ADGRL3: variants seen among roughly 807,000 people sequenced by gnomAD.
The protein encoded by ADGRL3 is calcium-independent alpha-latrotoxin receptor 3.
In ADGRL3, 62 loss-of-function variants were observed where a neutral mutation model predicts 153.5. The ratio of observed to expected loss-of-function variants is 0.40; its 90% CI spans 0.33 to 0.50. The LOEUF is 0.50. Among genes scored for constraint, ADGRL3 ranks in the 20% least tolerant of loss-of-function variants. ADGRL3 has a pLI of 0.47. For missense variants in ADGRL3, 1,641 were observed against 1,859.4 expected, an observed-to-expected ratio of 0.88 and a Z score of 2.16; for synonymous variants, 710 against 672.5, an observed-to-expected ratio of 1.06 and a Z score of -0.86.
chr4:62,028,333 T>A (rs990431484), intron 21 of ADGRL3, among the ~76,000 whole-genome samples: 2 of 151,772 alleles, frequency 1.3e-5, no homozygotes, highest in Non-Finnish European at 3.0e-5. Flanking sequence ...TTTAAAGTAC[T>A]CAAGATAGAT....
At chr4:61,872,815 A>G (rs2098453592) in intron 9 of ADGRL3, among the ~76,000 whole-genome samples, 2 of 152,232 alleles carry the variant, frequency 1.3e-5, no homozygotes, top group Admixed American at 1.3e-4. Flanking sequence ...AGGTGAGAAA[A>G]GTAACAATTT....
intron 5 of ADGRL3, among the ~76,000 whole-genome samples, chr4:61,592,027 T>C (rs979219586): frequency 6.9e-6 from 1 of 144,092 alleles, no homozygotes; most frequent in Non-Finnish European, 1.5e-5. Flanking sequence ...CAGTGAGCTG[T>C]GATCATAAAA....
chr4:61,370,737 C>G (rs1230595961), intron 1 of ADGRL3, among the ~76,000 whole-genome samples: 3 of 151,706 alleles, frequency 2.0e-5, no homozygotes, highest in Non-Finnish European at 4.4e-5. Context: ...CTGTAGATGT[C>G]TATTAGGTCC....
chr4:61,410,932 T>C (rs1394329968), intron 2 of ADGRL3, among the ~76,000 whole-genome samples: 1 of 152,210 alleles, frequency 6.6e-6, no homozygotes, highest in Non-Finnish European at 1.5e-5. Context: ...CTATGGAGGT[T>C]GCAGGATGTC....
chr4:61,417,119 C>T (rs1202099356), intron 2 of ADGRL3, among the ~76,000 whole-genome samples: 1 of 152,116 alleles, frequency 6.6e-6, no homozygotes, highest in African/African-American at 2.4e-5. Context: ...GCCTGCTGCT[C>T]ACCTCCTGCT....
chr4:62,024,444 T>C (rs1015778940), intron 21 of ADGRL3, among the ~76,000 whole-genome samples: 1 of 152,178 alleles, frequency 6.6e-6, no homozygotes, highest in Non-Finnish European at 1.5e-5. Flanking sequence ...CATAGGAATA[T>C]AGCTTTTGGT....
In ADGRL3 at chr4:61,352,608, C is replaced by T. The variant is rs373913962; in HGVS notation, c.-239-30516C>T. ...CCATGTTGGCCAGGCTGGTCTTGCA[C>T]GCCTGACCTCAGGTGATCCACCCGC... On this transcript the variant is annotated intron_variant, in intron 1 of 26. Transcript: ENST00000683033. 5.3e-5 allele frequency among the ~76,000 whole-genome samples: 8 copies of T among 152,178 alleles called. No individual in the cohort carries two copies. The East Asian group carries it at 1.4e-3, about 26-fold the overall frequency.
At chr4:61,771,901 C>G (rs1396496972) in intron 8 of ADGRL3, among the ~76,000 whole-genome samples, 1 of 152,130 alleles carries the variant, frequency 6.6e-6, no homozygotes, top group African/African-American at 2.4e-5. Flanking sequence ...TAGACAAAAC[C>G]TCCTACAAGC....
intron 8 of ADGRL3, among the ~76,000 whole-genome samples, chr4:61,780,909 A>C (rs1203000384): frequency 6.6e-6 from 1 of 152,204 alleles, no homozygotes; most frequent in Non-Finnish European, 1.5e-5. Context: ...CTTGACTTTG[A>C]TCCAACTAAG....
At chr4:61,647,046 C>T (rs1022297504) in intron 5 of ADGRL3, among the ~76,000 whole-genome samples, 1 of 152,024 alleles carries the variant, frequency 6.6e-6, no homozygotes, top group African/African-American at 2.4e-5. Context: ...TTTCCAGGTG[C>T]CGTCCATCAC....
chr4:62,029,333 G>T (rs558175028), intron 22 of ADGRL3, among the ~76,000 whole-genome samples: 3 of 151,608 alleles, frequency 2.0e-5, no homozygotes, highest in Non-Finnish European at 4.4e-5. Context: ...TTAATGAATT[G>T]CTATACTAAA....
At chr4:61,365,683 T>A (rs891336978) in intron 1 of ADGRL3, among the ~76,000 whole-genome samples, 2 of 152,228 alleles carry the variant, frequency 1.3e-5, no homozygotes, top group African/African-American at 4.8e-5. Context: ...TGCAGGCAAA[T>A]CTCTGAATAT....
At chr4:61,214,895 G>A (rs906355214) in intron 1 of ADGRL3, among the ~76,000 whole-genome samples, 8 of 151,928 alleles carry the variant, frequency 5.3e-5, no homozygotes, top group Non-Finnish European at 1.0e-4. Flanking sequence ...TCATCATCAC[G>A]CCACGGCACT....
chr4:61,607,510 G>C (rs1297524482), intron 5 of ADGRL3, among the ~76,000 whole-genome samples: 1 of 152,154 alleles, frequency 6.6e-6, no homozygotes, highest in Admixed American at 6.5e-5. Flanking sequence ...TGAAGCAGAA[G>C]AATCACTTGA....
chr4:61,828,420 C>CG (rs2097834763), intron 9 of ADGRL3, among the ~76,000 whole-genome samples: 1 of 151,942 alleles, frequency 6.6e-6, no homozygotes, highest in African/African-American at 2.4e-5. Flanking sequence ...GCGCAGGGTG[C>CG]GGGGGATGGG....
At chr4:61,936,740 T>G (rs1304230212) in intron 15 of ADGRL3, among the ~76,000 whole-genome samples, 4 of 149,316 alleles carry the variant, frequency 2.7e-5, no homozygotes, top group African/African-American at 9.9e-5. Flanking sequence ...TCCTCTAAAG[T>G]AGACCCCTCT....
At chr4:61,822,160 T>C (rs1190729310) in intron 9 of ADGRL3, among the ~76,000 whole-genome samples, 1 of 152,188 alleles carries the variant, frequency 6.6e-6, no homozygotes, top group Non-Finnish European at 1.5e-5. Context: ...GAAACTTGCA[T>C]ATAACGGAGT....
At chr4:61,645,145 T>G (rs1560989968) in intron 5 of ADGRL3, among the ~76,000 whole-genome samples, 2 of 152,180 alleles carry the variant, frequency 1.3e-5, no homozygotes, top group South Asian at 2.1e-4. Context: ...TTGGTAGATC[T>G]TCCTCCATGT....
chr4:61,686,634 T>C (rs1489389455), intron 6 of ADGRL3, among the ~76,000 whole-genome samples: 2 of 152,110 alleles, frequency 1.3e-5, no homozygotes, highest in African/African-American at 4.8e-5. Flanking sequence ...AATTTCTTTA[T>C]GGTAAGAACA....
Sources: allele counts gnomAD v4.1 joint callset (sites outside exome capture counted in the v4.1 genomes callset), GRCh38; gene constraint gnomAD v4.1.1; transcripts MANE v1.5; gene names NCBI Gene and HGNC (gene_info 2026-07-23, HGNC 2026-07-21).